KMT2C: variants seen among roughly 807,000 people sequenced by gnomAD.
KMT2C encodes the protein histone-lysine N-methyltransferase 2C.
A neutral mutation model predicts 507.9 loss-of-function variants in KMT2C; 88 were observed. That is an observed-to-expected ratio of 0.17 (90% CI 0.15 to 0.21). The LOEUF is 0.21. Ranked by LOEUF, KMT2C falls within the 10% of genes least tolerant of loss-of-function variation. The pLI is 1.00. For synonymous variants in KMT2C, 2,049 were observed against 2,080.8 expected (o/e 0.98, Z 0.42); for missense variants, 4,954 against 5,957.8 (o/e 0.83, Z 5.55).
intron 43 of KMT2C, among the ~76,000 whole-genome samples, chr7:152,160,344 GA>G (rs2129102481): frequency 6.6e-6 from 1 of 152,178 alleles, no homozygotes; most frequent in East Asian, 1.9e-4. Flanking sequence ...CAGACCTGCA[GA>G]ATCAGAAATA....
intron 14 of KMT2C, among the ~76,000 whole-genome samples, chr7:152,241,329 T>G: frequency 6.6e-6 from 1 of 152,200 alleles, no homozygotes; most frequent in East Asian, 1.9e-4. Flanking sequence ...GTCTCCTGAG[T>G]AGCTGGGATT....
intron 7 of KMT2C, among the ~76,000 whole-genome samples, chr7:152,268,078 G>C (rs565696122): frequency 6.6e-6 from 1 of 152,236 alleles, no homozygotes; most frequent in Non-Finnish European, 1.5e-5. Flanking sequence ...TCAGGAGCTC[G>C]AGACCAGCCG....
intron 2 of KMT2C, among the ~76,000 whole-genome samples, chr7:152,337,036 A>G (rs2096942044): frequency 6.6e-6 from 1 of 152,210 alleles, no homozygotes. Context: ...CAAGCCTGTA[A>G]TCCCAGCACT....
intron 3 of KMT2C, among the ~76,000 whole-genome samples, chr7:152,322,325 C>T (rs1230965729): frequency 1.3e-5 from 2 of 151,866 alleles, no homozygotes; most frequent in Non-Finnish European, 2.9e-5. Context: ...ATCACACCAC[C>T]GCACTCCAGC....
chr7:152,172,667 A>G (rs1292381893), intron 39 of KMT2C, among the ~76,000 whole-genome samples: 1 of 152,232 alleles, frequency 6.6e-6, no homozygotes, highest in Non-Finnish European at 1.5e-5. Flanking sequence ...CCTGGGCAAC[A>G]ACAGCGAAAC....
chr7:152,345,811 G>A (rs1056742729), intron 2 of KMT2C, among the ~76,000 whole-genome samples: 4 of 152,122 alleles, frequency 2.6e-5, no homozygotes, highest in Non-Finnish European at 2.9e-5. Context: ...ATGAGCCACC[G>A]CACATGGCCT....
chr7:152,310,462 G>A (rs995160133), intron 5 of KMT2C, among the ~76,000 whole-genome samples: 9 of 152,182 alleles, frequency 5.9e-5, no homozygotes, highest in African/African-American at 1.2e-4. Context: ...CTACTCAGGA[G>A]GCTGAGGCAT....
chr7:152,309,893 T>A (rs1400442889), intron 6 of KMT2C, 73 bp downstream of exon 6: 2 of 934,140 alleles, frequency 2.1e-6, no homozygotes, highest in East Asian at 2.5e-5. Context: ...CATTTAATAA[T>A]CCTTTCAAGT....
chr7:152,363,560 G>C (rs1021963894), intron 1 of KMT2C, among the ~76,000 whole-genome samples: 4 of 152,108 alleles, frequency 2.6e-5, no homozygotes, highest in Non-Finnish European at 5.9e-5. Context: ...AACAGGTATG[G>C]CGAAGGGAAC....
At chr7:152,372,537 T>C (rs1180690970) in intron 1 of KMT2C, among the ~76,000 whole-genome samples, 1 of 152,058 alleles carries the variant, frequency 6.6e-6, no homozygotes, top group Non-Finnish European at 1.5e-5. Context: ...AGGCTGAAAG[T>C]GAAGAGATGG....
At position 152,162,169 on chromosome 7, in the gene KMT2C, T is replaced by G; in HGVS notation, c.11408A>C (p.Asp3803Ala). 6.2e-7 allele frequency: 1 copy of G among 1,609,136 alleles called. No homozygotes were observed. Among genetic ancestry groups the G allele is most frequent in the Non-Finnish European group, 8.5e-7 (1 of 1,178,032 alleles). The change falls in exon 43 of 59, where the codon GAC (aspartate) becomes GCC (alanine). Residue 3803 changes from aspartate to alanine, a missense_variant. This residue lies in a region of KMT2C where 801 missense variants were observed against 751.2 expected (regional missense o/e 1.07). Coordinates refer to ENST00000262189, the MANE Select transcript of KMT2C (RefSeq NM_170606.3). ...KPEGSICSEDDCTKDNKLVEK... is the reference protein window; with the variant it reads ...KPEGSICSEDACTKDNKLVEK... ...AACTAGTTTATTATCCTTTGTACAGTCATCTTCTGAACAAATACTGCCCTC... is the reference window on the plus strand; with the variant it reads ...AACTAGTTTATTATCCTTTGTACAGGCATCTTCTGAACAAATACTGCCCTC...
Position 152,292,628 on chromosome 7 carries a change from A to G in KMT2C, c.849+17338T>C, listed in dbSNP as rs2096446459. 2.0e-5 allele frequency among the ~76,000 whole-genome samples: 3 copies of G among 152,322 alleles called. No individual in the cohort carries two copies. In the East Asian group the frequency reaches 5.8e-4, roughly 29 times the overall value. On this transcript the variant is annotated intron_variant, in intron 6 of 58. Transcript: ENST00000262189. ...AACATTTTTAGCTCATGTCCCACAT[A>G]AACACAGCTGGAGGACCGAATGTGA...
chr7:152,349,410 C>T (rs1309252997), intron 2 of KMT2C, among the ~76,000 whole-genome samples: 1 of 151,910 alleles, frequency 6.6e-6, no homozygotes, highest in East Asian at 1.9e-4. Flanking sequence ...CACCATTGCA[C>T]TCCAGCCTGG....
At chr7:152,396,920 C>G (rs1298554476) in intron 1 of KMT2C, among the ~76,000 whole-genome samples, 4 of 152,280 alleles carry the variant, frequency 2.6e-5, no homozygotes, top group African/African-American at 9.6e-5. Flanking sequence ...AATATGTCCA[C>G]ACGTACAAAT....
chr7:152,188,953 G>A (rs931889367), intron 31 of KMT2C, among the ~76,000 whole-genome samples: 4 of 152,064 alleles, frequency 2.6e-5, no homozygotes, highest in African/African-American at 4.8e-5. Context: ...TTAGTTTTGA[G>A]TAAGCAATAT....
At chr7:152,432,398 A>G (rs1405636473) in intron 1 of KMT2C, among the ~76,000 whole-genome samples, 1 of 152,244 alleles carries the variant, frequency 6.6e-6, no homozygotes, top group Non-Finnish European at 1.5e-5. Flanking sequence ...GAGATCTTTA[A>G]TATGTGCATA....
At chr7:152,350,093 A>G (rs756362526) in intron 2 of KMT2C, among the ~76,000 whole-genome samples, 2 of 152,150 alleles carry the variant, frequency 1.3e-5, no homozygotes, top group Non-Finnish European at 2.9e-5. Flanking sequence ...TCTACTAAAA[A>G]TACAAAATCA....
At position 152,150,936 on chromosome 7, in the gene KMT2C, A is replaced by G. The variant is rs1415378473; in HGVS notation, c.12738T>C (p.Tyr4246=). Residue 4246 remains tyrosine (Y), a synonymous_variant, in exon 51 of 59, where the codon TAT becomes TAC. Coordinates refer to ENST00000262189, the MANE Select transcript of KMT2C (RefSeq NM_170606.3). ...AGTTTTTCGCTTGTGCAGTTGATGA[A>G]TAAAGAATAAAGCAGTTATTACTAC... ...VFCSNNCFIL[Y]SSTAQAKNSE... 1.2e-6 allele frequency: 2 copies of G among 1,613,334 alleles called. No individual in the cohort carries two copies. Among genetic ancestry groups the G allele is most frequent in the Non-Finnish European group, 1.7e-6 (2 of 1,179,484 alleles).
intron 1 of KMT2C, among the ~76,000 whole-genome samples, chr7:152,377,481 T>C (rs1480233385): frequency 6.6e-6 from 1 of 152,226 alleles, no homozygotes; most frequent in African/African-American, 2.4e-5. Context: ...ATGCCTGTAA[T>C]CCCAGCACTC....
Sources: gnomAD v4.1 joint callset for allele counts (sites outside exome capture counted in the v4.1 genomes callset) on GRCh38, gnomAD v4.1.1 for gene constraint, gnomAD v4.1.1 regional missense constraint, MANE v1.5 for transcripts, NCBI Gene and HGNC (gene_info 2026-07-23, HGNC 2026-07-21) for gene names.